The following ATG7 variants were observed in gnomAD, a reference collection of about 807,000 sequenced individuals.
ATG7 encodes autophagy related 7, also known as ubiquitin-like modifier-activating enzyme ATG7.
A neutral mutation model predicts 82.4 loss-of-function variants in ATG7; 70 were observed. The ratio of observed to expected loss-of-function variants is 0.85; its 90% CI spans 0.70 to 1.04. The LOEUF (loss-of-function observed/expected upper bound fraction) is 1.04. Among genes scored for constraint, ATG7 ranks in the 50% least tolerant of loss-of-function variants. The pLI is 0.00. For missense variants in ATG7, 792 were observed against 864.3 expected (o/e 0.92, Z 1.05); for synonymous variants, 287 against 313.0 (o/e 0.92, Z 0.88).
At chr3:11,566,718 T>C in the ATG7 span, among the ~76,000 whole-genome samples, 1 of 152,088 alleles carries the variant, frequency 6.6e-6, no homozygotes, top group Non-Finnish European at 1.5e-5. Context: ...ACAGCTGCAG[T>C]GTAGAATCCC....
In ATG7 at chr3:11,497,357, CTATATATATATATATA is replaced by C. The variant is rs58838386; in HGVS notation, c.2080-57434_2080-57419del. On this transcript the variant is annotated intron_variant, in intron 20 of 20. Transcript: ENST00000693202. Reference sequence around the variant, plus strand: ...TGAAACCCCGTCTGTACTAAAAATACTATATATATATATATATATATATATATATATATATTTAGCC... The same window carrying C: ...TGAAACCCCGTCTGTACTAAAAATACTATATATATATATATATATTTAGCC... Among the ~76,000 whole-genome samples the C allele has an allele frequency of 6.3e-4, 36 of 57,320 alleles. 3 individuals are homozygous for C. Among genetic ancestry groups the C allele is most frequent in the Non-Finnish European group, 9.0e-4 (29 of 32,258 alleles). 37.6% of individuals were successfully genotyped at this position (57,320 alleles called of 152,430 possible).
the ATG7 span, among the ~76,000 whole-genome samples, chr3:11,566,242 C>T: frequency 1.3e-5 from 2 of 152,308 alleles, no homozygotes; most frequent in South Asian, 2.1e-4. Flanking sequence ...CACACACACA[C>T]GCATGTGATA....
rs748862072 is a variant in ATG7 at position 11,360,589 on chromosome 3, C to T, written c.1488C>T (p.Ile496=). ...TTCCTTGAAACCTGCAGCTGGTCAT[C>T]AATGCTGCTTTGGGATTTGACACAT... The part of the protein sequence containing the change: ...VIAASKRKLV[I]NAALGFDTFV... Residue 496 remains isoleucine (I), a synonymous_variant, in exon 16 of 21, where the codon ATC becomes ATT. Transcript: ENST00000693202. 2 of 1,613,348 alleles carry T rather than the reference C, an allele frequency of 1.2e-6. No homozygotes were observed. The highest frequency in any genetic ancestry group is 2.2e-5 in the East Asian group (1 of 44,878).
chr3:11,414,594 T>G (rs1262442450), intron 19 of ATG7, among the ~76,000 whole-genome samples: 1 of 152,066 alleles, frequency 6.6e-6, no homozygotes, highest in Non-Finnish European at 1.5e-5. Flanking sequence ...TGAAAAGGAG[T>G]GGTAAGGGGA....
chr3:11,490,027 A>G (rs1196897819), intron 20 of ATG7, among the ~76,000 whole-genome samples: 6 of 151,910 alleles, frequency 3.9e-5, no homozygotes, highest in Middle Eastern at 3.2e-3. Flanking sequence ...ATTCCTGGGT[A>G]TCCTTGTTAA....
intron 7 of ATG7, among the ~76,000 whole-genome samples, chr3:11,309,955 C>T (rs181111154): frequency 6.6e-6 from 1 of 152,202 alleles, no homozygotes; most frequent in Admixed American, 6.5e-5. Flanking sequence ...AGGTGGATCA[C>T]TTGAGGCCAA....
intron 19 of ATG7, among the ~76,000 whole-genome samples, chr3:11,418,270 A>ATTTT (rs551384190): frequency 7.1e-6 from 1 of 141,396 alleles, no homozygotes; most frequent in Non-Finnish European, 1.5e-5. Context: ...ATACCTGGCT[A>ATTTT]TTTTTTTTTT....
At chr3:11,451,165 G>A (rs1381704189) in intron 20 of ATG7, among the ~76,000 whole-genome samples, 1 of 150,778 alleles carries the variant, frequency 6.6e-6, no homozygotes, top group African/African-American at 2.4e-5. Context: ...CTTTTGAAAA[G>A]GACAGGCTGG....
intron 20 of ATG7, among the ~76,000 whole-genome samples, chr3:11,553,581 G>A (rs185526871): frequency 1.3e-5 from 2 of 152,300 alleles, no homozygotes; most frequent in South Asian, 2.1e-4. Flanking sequence ...CTGAGGATGA[G>A]CTCGGTGGGG....
At chr3:11,512,017 C>G (rs1043783714) in intron 20 of ATG7, among the ~76,000 whole-genome samples, 1 of 152,160 alleles carries the variant, frequency 6.6e-6, no homozygotes, top group East Asian at 1.9e-4. Flanking sequence ...TGGGCTCCAG[C>G]CTTGGCCAGC....
At chr3:11,300,658 A>G (rs1251066766) in intron 5 of ATG7, among the ~76,000 whole-genome samples, 1 of 152,346 alleles carries the variant, frequency 6.6e-6, no homozygotes, top group South Asian at 2.1e-4. Flanking sequence ...ATAGTCTCCA[A>G]CTTATGGTGG....
Position 11,448,477 on chromosome 3 carries a change from T to G in ATG7, c.2079+21551T>G, listed in dbSNP as rs541225413. 9.5e-4 allele frequency among the ~76,000 whole-genome samples: 145 copies of G among 152,358 alleles called. 1 individual carries two copies. Among genetic ancestry groups the G allele is most frequent in the African/African-American group, 3.2e-3 (134 of 41,590 alleles). On this transcript the variant is annotated intron_variant, in intron 20 of 20. Coordinates refer to ENST00000693202, the MANE Select transcript of ATG7 (RefSeq NM_001349232.2). ...GTGACAGCATCTCTGCTTCAGGACA[T>G]GTGCCTTTAGTCTCCTCCATAGTCT...
intron 1 of ATG7, among the ~76,000 whole-genome samples, chr3:11,277,891 A>AAACCC (rs1942170487): frequency 1.6e-5 from 1 of 60,770 alleles, no homozygotes; most frequent in Non-Finnish European, 2.9e-5. Context: ...CCCTTTATAG[A>AAACCC]CCCCCCCCCC....
chr3:11,565,614 T>G, the ATG7 span, among the ~76,000 whole-genome samples: 1 of 152,212 alleles, frequency 6.6e-6, no homozygotes, highest in Non-Finnish European at 1.5e-5. This position sits in a 1 kb window ranked among gnomAD's most constrained non-coding sequence, Gnocchi z 4.1. Flanking sequence ...GCACGTGCTC[T>G]GGGGTTCCCG....
intron 18 of ATG7, among the ~76,000 whole-genome samples, chr3:11,378,540 C>A (rs1376375354): frequency 1.3e-5 from 2 of 150,982 alleles, no homozygotes; most frequent in African/African-American, 4.9e-5. Flanking sequence ...AAAAACTTAG[C>A]TGGGTGTGGT....
chr3:11,346,860 A>G (rs1371443422), intron 13 of ATG7, among the ~76,000 whole-genome samples: 2 of 152,246 alleles, frequency 1.3e-5, no homozygotes, highest in Non-Finnish European at 2.9e-5. Context: ...ACCTATGCTT[A>G]TGAAAGGCAG....
intron 20 of ATG7, among the ~76,000 whole-genome samples, chr3:11,539,740 C>A (rs75167768): frequency 1.4e-3 from 212 of 152,334 alleles, no homozygotes; most frequent in Non-Finnish European, 2.3e-3. Flanking sequence ...TCTATTGATG[C>A]GCATACAATC....
downstream of ATG7, chr3:11,558,571 G>T: frequency 1.2e-6 from 2 of 1,602,510 alleles, no homozygotes; most frequent in East Asian, 2.2e-5. Flanking sequence ...AGACCACAGA[G>T]GGGGAGTGAC....
intron 20 of ATG7, among the ~76,000 whole-genome samples, chr3:11,479,739 G>A (rs982519309): frequency 6.6e-6 from 1 of 152,150 alleles, no homozygotes; most frequent in Non-Finnish European, 1.5e-5. Flanking sequence ...CATGCCATTG[G>A]TCACTGCTGC....
Sources: allele counts gnomAD v4.1 joint callset (sites outside exome capture counted in the v4.1 genomes callset), GRCh38; gene constraint gnomAD v4.1.1; non-coding constraint Gnocchi (gnomAD v3.1); transcripts MANE v1.5; gene names NCBI Gene and HGNC (gene_info 2026-07-23, HGNC 2026-07-21).